The following HECTD4 variants were observed in gnomAD, a reference collection of about 807,000 sequenced individuals.
HECTD4 encodes probable E3 ubiquitin-protein ligase HECTD4.
A neutral mutation model predicts 471.5 loss-of-function variants in HECTD4; 114 were observed. The observed-to-expected ratio is 0.24, with a 90% CI of 0.21 to 0.28. The LOEUF is 0.28. HECTD4 is among the 10% of genes least tolerant of loss of function. HECTD4 has a pLI of 1.00. For synonymous variants in HECTD4, 2,012 were observed against 2,256.0 expected (o/e 0.89, Z 3.07); for missense variants, 3,866 against 5,651.5 (o/e 0.68, Z 10.13).
chr12:112,337,516 A>G (rs2135722368), intron 1 of HECTD4, among the ~76,000 whole-genome samples: 1 of 152,378 alleles, frequency 6.6e-6, no homozygotes, highest in Admixed American at 6.5e-5. Flanking sequence ...ACAAGTAAAC[A>G]AAACAGAAAC....
intron 59 of HECTD4, among the ~76,000 whole-genome samples, chr12:112,191,211 C>T (rs532385432): frequency 3.2e-4 from 49 of 152,138 alleles, no homozygotes; most frequent in Non-Finnish European, 5.9e-4. Context: ...GGACAAAGAA[C>T]GGAGATGAGA....
Position 112,200,724 on chromosome 12 carries a change from G to A in HECTD4, c.8481C>T (p.Asp2827=). ...AGCCTGCTGGGGGCCTTTCCAACAT[G>A]TCAATAGGATACCAGTATCGCACCA... ...GVLVRYWYPI[D]MLERPPAGYR... The change falls in exon 55 of 76, where the codon GAC becomes GAT. Residue 2827 remains aspartate (D), a synonymous_variant. Transcript: ENST00000682272. 4 of 1,613,968 alleles carry A rather than the reference G, an allele frequency of 2.5e-6. No homozygotes were observed. Among genetic ancestry groups the A allele is most frequent in the East Asian group, 2.2e-5 (1 of 44,886 alleles).
At chr12:112,338,651 A>T (rs2036000665) in intron 1 of HECTD4, among the ~76,000 whole-genome samples, 1 of 152,102 alleles carries the variant, frequency 6.6e-6, no homozygotes, top group Non-Finnish European at 1.5e-5. Context: ...AAGAAAAAAG[A>T]CATACCTGAG....
At chr12:112,242,798 C>T (rs1216940896) in intron 32 of HECTD4, among the ~76,000 whole-genome samples, 2 of 152,058 alleles carry the variant, frequency 1.3e-5, no homozygotes, top group Non-Finnish European at 2.9e-5. Context: ...GTAATCCCAG[C>T]TACTTGGGAG....
At chr12:112,321,969 T>C (rs1464446731) in intron 1 of HECTD4, 1 of 150,918 alleles carries the variant, frequency 6.6e-6, no homozygotes. Flanking sequence ...GTGGGTGACA[T>C]ACGCCTATAC....
chr12:112,235,453 G>A lies in HECTD4; in HGVS notation c.5725+51C>T. 1 of 1,551,122 alleles carries A rather than the reference G, an allele frequency of 6.4e-7. No homozygotes were observed. The highest frequency in any genetic ancestry group is 8.7e-7 in the Non-Finnish European group (1 of 1,148,434). ...ACAGATGCAAGGGGGACCTGACTGG[G>A]CACAGGAATGCTGCACTGCCATGCT... is the stretch of plus-strand genomic sequence containing the variant. On this transcript the variant is annotated intron_variant, in intron 36 of 75. Transcript: ENST00000682272. This position sits in a 1 kb window ranked among gnomAD's most constrained non-coding sequence, Gnocchi z 5.0.
At chr12:112,185,852 C>T (rs2031841529) in intron 60 of HECTD4, among the ~76,000 whole-genome samples, 1 of 152,226 alleles carries the variant, frequency 6.6e-6, no homozygotes, top group South Asian at 2.1e-4. Context: ...GTACTGGATG[C>T]TTACTATGGG....
intron 1 of HECTD4, among the ~76,000 whole-genome samples, chr12:112,366,274 A>C (rs1334089618): frequency 1.3e-5 from 2 of 152,054 alleles, no homozygotes; most frequent in Non-Finnish European, 2.9e-5. Flanking sequence ...TTGGGAGGCC[A>C]AGGTGGGTAG....
At chr12:112,212,722 G>T in intron 48 of HECTD4, 72 bp from the exon 49 acceptor site, 1 of 1,296,110 alleles carries the variant, frequency 7.7e-7, no homozygotes. Flanking sequence ...TGCAACCGGA[G>T]TGTCACCCTA....
At position 112,209,992 on chromosome 12, in the gene HECTD4, G is replaced by A. The variant is rs762563920; in HGVS notation, c.7867+23C>T. The A allele has an allele frequency of 2.5e-6, 4 of 1,579,012 alleles. No homozygotes were observed. The South Asian group carries it at 4.5e-5, about 18-fold the overall frequency. On this transcript the variant is annotated intron_variant, in intron 50 of 75. Transcript: ENST00000682272. ...ATGGTCTCAGGAAGCCATGGAGGCAGTAAGTTCCAGGAGGTGACTTACGTT... is the reference window on the plus strand; with the variant it reads ...ATGGTCTCAGGAAGCCATGGAGGCAATAAGTTCCAGGAGGTGACTTACGTT...
intron 1 of HECTD4, among the ~76,000 whole-genome samples, chr12:112,376,526 A>G (rs983136377): frequency 1.5e-4 from 23 of 152,006 alleles, no homozygotes; most frequent in South Asian, 8.3e-4. Flanking sequence ...GATTACAGGC[A>G]TGAGCCACCA....
At chr12:112,281,291 T>C (rs1312143189) in intron 8 of HECTD4, among the ~76,000 whole-genome samples, 1 of 151,802 alleles carries the variant, frequency 6.6e-6, no homozygotes, top group African/African-American at 2.4e-5. Flanking sequence ...AAAAGTACAA[T>C]GAGACCACAT....
intron 4 of HECTD4, among the ~76,000 whole-genome samples, chr12:112,310,821 A>G (rs1175898873): frequency 6.6e-6 from 1 of 152,220 alleles, no homozygotes; most frequent in Non-Finnish European, 1.5e-5. Context: ...CCTTCTGGGT[A>G]TGGCTCTGTC....
intron 49 of HECTD4, 37 bp from the exon 50 acceptor site, chr12:112,210,289 T>C: frequency 3.8e-6 from 6 of 1,594,546 alleles, no homozygotes; most frequent in East Asian, 2.2e-5. Flanking sequence ...TGGAAAGACT[T>C]ACGTTTATTT....
intron 21 of HECTD4, 104 bp downstream of exon 21, chr12:112,256,216 A>G: frequency 1.2e-6 from 1 of 821,832 alleles, no homozygotes; most frequent in Non-Finnish European, 1.8e-6. Flanking sequence ...ATATCTGCAG[A>G]CAGAAATCAG....
intron 37 of HECTD4, among the ~76,000 whole-genome samples, chr12:112,234,606 G>A (rs961314031): frequency 6.6e-6 from 1 of 152,138 alleles, no homozygotes; most frequent in Admixed American, 6.5e-5. Context: ...TTCTTCTTGA[G>A]TAATCACACC....
chr12:112,273,841 C>T (rs755406109), intron 10 of HECTD4, 46 bp from the exon 11 acceptor site: 3 of 1,600,594 alleles, frequency 1.9e-6, no homozygotes, highest in South Asian at 1.1e-5. Context: ...CACCAGCTAC[C>T]TGTATACATA....
intron 7 of HECTD4, among the ~76,000 whole-genome samples, chr12:112,295,148 A>AAGAG (rs111979624): frequency 0.45 from 67,779 of 150,082 alleles, 19,466 homozygotes; most frequent in East Asian, 0.9. Context: ...GAAAAAAAAA[A>AAGAG]AGAGAGAGAA....
intron 43 of HECTD4, 149 bp from the exon 44 acceptor site, chr12:112,226,907 G>A: frequency 1.8e-6 from 1 of 545,892 alleles, no homozygotes; most frequent in Non-Finnish European, 3.3e-6. Flanking sequence ...TTTCTGAGCT[G>A]GACTGTCTTG....
Sources: gnomAD v4.1 joint callset for allele counts (sites outside exome capture counted in the v4.1 genomes callset) on GRCh38, gnomAD v4.1.1 for gene constraint, Gnocchi (gnomAD v3.1) non-coding constraint, MANE v1.5 for transcripts, NCBI Gene and HGNC (gene_info 2026-07-23, HGNC 2026-07-21) for gene names.